Variants in JAK2 observed in about 807,000 individuals in gnomAD.
JAK2 encodes the protein tyrosine-protein kinase JAK2.
A neutral mutation model predicts 139.3 loss-of-function variants in JAK2; 86 were observed. The observed-to-expected ratio is 0.62, with a 90% CI of 0.52 to 0.74. JAK2 has a LOEUF of 0.74. Ranked by LOEUF, JAK2 falls within the 30% of genes least tolerant of loss-of-function variation. JAK2 has a pLI of 0.00. For missense variants in JAK2, 1,421 were observed against 1,360.3 expected (o/e 1.04, Z -0.70); for synonymous variants, 490 against 437.7 (o/e 1.12, Z -1.49).
intron 2 of JAK2, among the ~76,000 whole-genome samples, chr9:4,995,667 C>G (rs1820517880): frequency 6.6e-6 from 1 of 152,050 alleles, no homozygotes; most frequent in African/African-American, 2.4e-5. Context: ...TTTCCAAGTC[C>G]TGTATAATAT....
intron 2 of JAK2, among the ~76,000 whole-genome samples, chr9:5,004,214 A>C (rs560883480): frequency 2.0e-5 from 3 of 152,172 alleles, no homozygotes; most frequent in African/African-American, 7.2e-5. Context: ...ATGATGTACA[A>C]TAGATCTCTT....
At chr9:4,989,601 G>T (rs1820137394) in intron 2 of JAK2, among the ~76,000 whole-genome samples, 1 of 152,170 alleles carries the variant, frequency 6.6e-6, no homozygotes, top group African/African-American at 2.4e-5. Context: ...GAGAAATAAA[G>T]AAATATAAAA....
At chr9:5,063,309 T>C (rs1429961515) in intron 8 of JAK2, among the ~76,000 whole-genome samples, 1 of 152,242 alleles carries the variant, frequency 6.6e-6, no homozygotes, top group Admixed American at 6.5e-5. Flanking sequence ...GACTTCTCAA[T>C]ACAAAATTTC....
chr9:5,122,747 G>C (rs1851027472), intron 22 of JAK2, among the ~76,000 whole-genome samples: 2 of 151,946 alleles, frequency 1.3e-5, no homozygotes, highest in South Asian at 4.1e-4. Flanking sequence ...GTAGATGTCA[G>C]CATAAACCGT....
intron 5 of JAK2, 137 bp downstream of exon 5, chr9:5,044,657 A>T: frequency 1.9e-6 from 1 of 525,508 alleles, no homozygotes; most frequent in Non-Finnish European, 3.3e-6. Flanking sequence ...GAGAAGTAAC[A>T]AAATTGAGTC....
At chr9:5,069,278 G>A in intron 11 of JAK2, 70 bp downstream of exon 11, 1 of 985,146 alleles carries the variant, frequency 1.0e-6, no homozygotes, top group Non-Finnish European at 1.5e-6. Flanking sequence ...AGTATCTTCA[G>A]TACATTGATT....
rs1014555604 is a variant in JAK2 at position 5,093,621 on chromosome 9, G to A, written c.3059+2710G>A. On this transcript the variant is annotated intron_variant, in intron 22 of 24. Coordinates refer to ENST00000381652, the MANE Select transcript of JAK2 (RefSeq NM_004972.4). ...CTCTGCATTAAAAATTTTGGTTGGG[G>A]TGACCTCATAGCATATTCAACCTCC... Among the ~76,000 whole-genome samples the A allele has an allele frequency of 2.3e-4, 35 of 152,100 alleles. 1 individual carries two copies. The highest frequency in any genetic ancestry group is 2.3e-3 in the Admixed American group (35 of 15,268).
intron 22 of JAK2, 78 bp from the exon 23 acceptor site, chr9:5,122,926 T>C (rs1823722355): frequency 2.3e-6 from 2 of 855,582 alleles, no homozygotes. Context: ...TTTTTTAATT[T>C]ATACAATGAT....
At chr9:5,121,888 A>G (rs1353691571) in intron 22 of JAK2, among the ~76,000 whole-genome samples, 1 of 152,168 alleles carries the variant, frequency 6.6e-6, no homozygotes, top group Non-Finnish European at 1.5e-5. Context: ...GGAAGAGCAT[A>G]TTTTGCAAGG....
chr9:4,992,627 G>GTA (rs1272258814), intron 2 of JAK2, among the ~76,000 whole-genome samples: 1 of 152,098 alleles, frequency 6.6e-6, no homozygotes, highest in Non-Finnish European at 1.5e-5. Flanking sequence ...TCAGAGTCCA[G>GTA]TATCTCATCA....
intron 22 of JAK2, among the ~76,000 whole-genome samples, chr9:5,121,760 G>C (rs1202373682): frequency 6.6e-6 from 1 of 152,060 alleles, no homozygotes; most frequent in East Asian, 1.9e-4. Context: ...TCAACAAGGG[G>C]AATTAATTTT....
intron 16 of JAK2, among the ~76,000 whole-genome samples, chr9:5,079,991 C>T (rs1278563863): frequency 6.6e-6 from 1 of 152,194 alleles, no homozygotes; most frequent in African/African-American, 2.4e-5. Flanking sequence ...GGGCAGATTA[C>T]TCAATCATAT....
chr9:5,111,135 CAGCGA>C (rs1295261708), intron 22 of JAK2: 15 of 1,030,772 alleles, frequency 1.5e-5, no homozygotes, highest in Non-Finnish European at 1.9e-5. Context: ...GCTGGACGTT[CAGCGA>C]AGGCGCTCAA....
At chr9:5,027,896 T>G (rs1391856949) in intron 3 of JAK2, among the ~76,000 whole-genome samples, 1 of 152,188 alleles carries the variant, frequency 6.6e-6, no homozygotes, top group Non-Finnish European at 1.5e-5. Context: ...TCTTGTTACT[T>G]CTACCACATC....
intron 22 of JAK2, chr9:5,111,139 G>T: frequency 1.0e-6 from 1 of 991,976 alleles, no homozygotes; most frequent in Non-Finnish European, 1.5e-6. Flanking sequence ...GACGTTCAGC[G>T]AAGGCGCTCA....
intron 22 of JAK2, among the ~76,000 whole-genome samples, chr9:5,106,448 G>A (rs1016635177): frequency 6.6e-6 from 1 of 152,206 alleles, no homozygotes; most frequent in Admixed American, 6.5e-5. Context: ...CACTGTTGGT[G>A]GGAGTAGTGT....
At chr9:5,032,211 G>A (rs1053935370) in intron 4 of JAK2, among the ~76,000 whole-genome samples, 4 of 152,220 alleles carry the variant, frequency 2.6e-5, no homozygotes, top group Admixed American at 6.5e-5. Flanking sequence ...AGGGGCGCCC[G>A]CCATTGCCGA....
rs1824190764 is a variant in JAK2 at position 5,129,241 on chromosome 9, C to T, written c.*2450C>T. 6.6e-6 allele frequency among the ~76,000 whole-genome samples: 1 copy of T among 152,010 alleles called. No individual in the cohort carries two copies. The highest frequency in any genetic ancestry group is 1.5e-5 in the Non-Finnish European group (1 of 67,922). ...CACTTTATTGAGCCTATGTTAATTTCTTTAGCATGCTCCCCCTAAATTGAA... is the reference window on the plus strand; with the variant it reads ...CACTTTATTGAGCCTATGTTAATTTTTTTAGCATGCTCCCCCTAAATTGAA... On this transcript the variant is annotated 3_prime_UTR_variant, in exon 25 of 25. Coordinates refer to ENST00000381652, the MANE Select transcript of JAK2 (RefSeq NM_004972.4).
At chr9:5,088,542 CA>C (rs59331584) in intron 19 of JAK2, among the ~76,000 whole-genome samples, 77,537 of 149,922 alleles carry the variant, frequency 0.52, 19,969 homozygotes, top group Admixed American at 0.52. Context: ...AAGACATCTT[CA>C]AAAAAAAAAA....
Sources: allele counts gnomAD v4.1 joint callset (sites outside exome capture counted in the v4.1 genomes callset), GRCh38; gene constraint gnomAD v4.1.1; transcripts MANE v1.5; gene names NCBI Gene and HGNC (gene_info 2026-07-23, HGNC 2026-07-21).